DAB2IP: variants seen among roughly 807,000 people sequenced by gnomAD.
The protein encoded by DAB2IP is disabled homolog 2-interacting protein.
DAB2IP carries 28 observed loss-of-function variants against 107.2 expected under a neutral mutation model. The observed-to-expected ratio is 0.26, with a 90% CI of 0.19 to 0.36. The LOEUF is 0.36. Among genes scored for constraint, DAB2IP ranks in the 10% least tolerant of loss-of-function variants. DAB2IP has a pLI of 1.00. For synonymous variants in DAB2IP, 755 were observed against 706.4 expected (o/e 1.07, Z -1.09); for missense variants, 1,400 against 1,644.7 (o/e 0.85, Z 2.57).
intron 3 of DAB2IP, among the ~76,000 whole-genome samples, chr9:121,731,278 T>A (rs1027031371): frequency 3.3e-5 from 5 of 152,200 alleles, no homozygotes; most frequent in African/African-American, 1.2e-4. Context: ...GGACTGGTTG[T>A]TTAACCCGGT....
Position 121,773,432 on chromosome 9 carries a change from GCA to G in DAB2IP, c.2905_2906del (p.Gln969AlafsTer59). On this transcript the variant is annotated frameshift_variant, in exon 12 of 16. Transcript: ENST00000408936. LOFTEE classifies it high-confidence loss of function. ...GGGTGGGCCCCAGTACCCGCCTGAGGCAGCAGTCCTCTTCCTCCAAGGGGGAC... is the reference window on the plus strand; with the variant it reads ...GGGTGGGCCCCAGTACCCGCCTGAGGGCAGTCCTCTTCCTCCAAGGGGGAC... 1 of 1,552,626 alleles carries G rather than the reference GCA, an allele frequency of 6.4e-7. No individual in the cohort carries two copies. The highest frequency in any genetic ancestry group is 8.7e-7 in the Non-Finnish European group (1 of 1,153,854).
chr9:121,627,137 ACACT>A (rs1414931132), intron 1 of DAB2IP, among the ~76,000 whole-genome samples: 30 of 73,830 alleles, frequency 4.1e-4, no homozygotes, highest in Non-Finnish European at 7.8e-4. Context: ...ACACACACAC[ACACT>A]CACACACACA....
At chr9:121,631,072 ACTGT>A (rs1831861919) in intron 1 of DAB2IP, among the ~76,000 whole-genome samples, 1 of 152,020 alleles carries the variant, frequency 6.6e-6, no homozygotes, top group African/African-American at 2.4e-5. Flanking sequence ...GAGGTGTCTG[ACTGT>A]CAAATGGACT....
At chr9:121,759,603 T>A (rs894085880) in intron 5 of DAB2IP, among the ~76,000 whole-genome samples, 1 of 152,226 alleles carries the variant, frequency 6.6e-6, no homozygotes, top group African/African-American at 2.4e-5. Flanking sequence ...AGTCTCGCCC[T>A]CTATGAGATG....
At chr9:121,567,107 A>T (rs966680617) in exon 1 of DAB2IP, 13 of 1,583,794 alleles carry the variant, frequency 8.2e-6, no homozygotes, top group Non-Finnish European at 1.1e-5. Flanking sequence ...CAGATGGAAT[A>T]CAAAAGGAGG....
intron 1 of DAB2IP, among the ~76,000 whole-genome samples, chr9:121,616,579 T>G (rs1487986258): frequency 6.6e-6 from 1 of 152,108 alleles, no homozygotes; most frequent in Non-Finnish European, 1.5e-5. Context: ...AGCTTTGAAT[T>G]TTTCCCCACT....
rs879577732 is a variant in DAB2IP, at chr9:121,758,892, C to A, written c.517-6C>A. On this transcript the variant is annotated splice_polypyrimidine_tract_variant and splice_region_variant and intron_variant, in intron 4 of 15. Coordinates refer to ENST00000408936, the Ensembl canonical transcript of DAB2IP. Reference sequence around the variant, plus strand: ...CTCATAACACTGTCTTGCCTGCTCCCCACAGGTGACGACGTCATCAGGAAG... The same window carrying A: ...CTCATAACACTGTCTTGCCTGCTCCACACAGGTGACGACGTCATCAGGAAG... 7 of 1,612,278 alleles carry A rather than the reference C, an allele frequency of 4.3e-6. No individual in the cohort carries two copies. The highest frequency in any genetic ancestry group is 1.3e-5 in the African/African-American group (1 of 74,902).
rs1012941098 is a variant in DAB2IP at position 121,736,309 on chromosome 9, G to A, written c.363-20704G>A. Among the ~76,000 whole-genome samples the A allele has an allele frequency of 6.6e-6, 1 of 152,164 alleles. No individual in the cohort carries two copies. The highest frequency in any genetic ancestry group is 1.5e-5 in the Non-Finnish European group (1 of 68,026). ...GAATGCGCCGCGAGAGCCGGGCCGCGGGCAAGTGAGGGGCTGGCGGGGCCG... is the reference window on the plus strand; with the variant it reads ...GAATGCGCCGCGAGAGCCGGGCCGCAGGCAAGTGAGGGGCTGGCGGGGCCG... On this transcript the variant is annotated intron_variant, in intron 3 of 15. Transcript: ENST00000408936. The surrounding 1 kb of genome is among the most constrained non-coding windows in gnomAD (Gnocchi z 4.6).
Position 121,727,548 on chromosome 9 carries a change from A to T in DAB2IP, c.362+28090A>T, listed in dbSNP as rs746488339. Among the ~76,000 whole-genome samples the T allele has an allele frequency of 7.2e-5, 11 of 152,274 alleles. 1 individual carries two copies. The highest frequency in any genetic ancestry group is 6.2e-4 in the South Asian group (3 of 4,822). ...AAAGCCAGGGATCAGAGGAGTGAGG[A>T]GGTGTGATGGGAAGGCCCAACAGGA... is the stretch of plus-strand genomic sequence containing the variant. On this transcript the variant is annotated intron_variant, in intron 3 of 15. Transcript: ENST00000408936.
At chr9:121,645,363 C>A (rs929598285) in intron 1 of DAB2IP, among the ~76,000 whole-genome samples, 5 of 152,162 alleles carry the variant, frequency 3.3e-5, no homozygotes, top group Non-Finnish European at 7.3e-5. Flanking sequence ...GATTGGAGCC[C>A]TCAACTTCAG....
At chr9:121,767,323 A>G (rs1257279753) in intron 9 of DAB2IP, among the ~76,000 whole-genome samples, 3 of 152,246 alleles carry the variant, frequency 2.0e-5, no homozygotes, top group African/African-American at 7.2e-5. Context: ...CTCTGACGGC[A>G]CCAAGATGAA....
chr9:121,672,677 T>C (rs532830669), intron 1 of DAB2IP, among the ~76,000 whole-genome samples: 34 of 152,260 alleles, frequency 2.2e-4, no homozygotes, highest in African/African-American at 6.7e-4. Context: ...AGAGGTCACA[T>C]AGAAGTCATG....
At chr9:121,757,605 C>T (rs148596010) in intron 4 of DAB2IP, among the ~76,000 whole-genome samples, 86 of 152,116 alleles carry the variant, frequency 5.7e-4, no homozygotes, top group Middle Eastern at 3.4e-3. Context: ...TGGCATTCTG[C>T]GACCTGAGGT....
At chr9:121,576,518 T>C (rs585630) in intron 1 of DAB2IP, among the ~76,000 whole-genome samples, 91,700 of 151,462 alleles carry the variant, frequency 0.61, 28,335 homozygotes, top group Middle Eastern at 0.7. Flanking sequence ...TTGTTTGGGC[T>C]GCCTAGGCTC....
intron 1 of DAB2IP, among the ~76,000 whole-genome samples, chr9:121,579,329 C>T (rs912027144): frequency 1.3e-5 from 2 of 152,120 alleles, no homozygotes; most frequent in African/African-American, 4.8e-5. Flanking sequence ...CTCCTACCCC[C>T]CCACCCTGAG....
At chr9:121,585,246 C>T (rs531294074) in intron 1 of DAB2IP, among the ~76,000 whole-genome samples, 2 of 152,244 alleles carry the variant, frequency 1.3e-5, no homozygotes, top group African/African-American at 2.4e-5. Context: ...AGCACAGAGT[C>T]GAGGCTGAAC....
chr9:121,780,429 G>A (rs973713944), intron 14 of DAB2IP, among the ~76,000 whole-genome samples: 1 of 152,186 alleles, frequency 6.6e-6, no homozygotes, highest in Non-Finnish European at 1.5e-5. Flanking sequence ...CCCCGGCACA[G>A]TGGCTCCCTG....
intron 1 of DAB2IP, among the ~76,000 whole-genome samples, chr9:121,672,180 G>A (rs1833710251): frequency 6.6e-6 from 1 of 151,950 alleles, no homozygotes; most frequent in Non-Finnish European, 1.5e-5. Flanking sequence ...GGTATGAAAT[G>A]GCATCTGAGA....
intron 1 of DAB2IP, among the ~76,000 whole-genome samples, chr9:121,673,539 A>C (rs1833765436): frequency 6.6e-6 from 1 of 152,212 alleles, no homozygotes; most frequent in South Asian, 2.1e-4. Flanking sequence ...TTCTGTACAA[A>C]GCCCAGTATA....
Sources: allele counts gnomAD v4.1 joint callset (sites outside exome capture counted in the v4.1 genomes callset), GRCh38; gene constraint gnomAD v4.1.1; non-coding constraint Gnocchi (gnomAD v3.1); transcripts MANE v1.5; gene names NCBI Gene and HGNC (gene_info 2026-07-23, HGNC 2026-07-21).